ACTR3C: variants seen among roughly 807,000 people sequenced by gnomAD.
The protein encoded by ACTR3C is actin-related protein 3C.
In ACTR3C, 18 loss-of-function variants were observed where a neutral mutation model predicts 26.3. The observed-to-expected ratio is 0.68, with a 90% CI of 0.47 to 1.01. ACTR3C has a LOEUF of 1.01. Ranked by LOEUF, ACTR3C falls within the 50% of genes least tolerant of loss-of-function variation. The probability of loss-of-function intolerance (pLI) is 0.00; values close to 1 mark genes in which losing one functional copy is unlikely to be tolerated. For synonymous variants in ACTR3C, 55 were observed against 94.5 expected (o/e 0.58, Z 2.42); for missense variants, 184 against 250.7 (o/e 0.73, Z 1.80).
intron 6 of ACTR3C, among the ~76,000 whole-genome samples, chr7:150,262,521 G>A (rs1286023084): frequency 6.6e-6 from 1 of 152,198 alleles, no homozygotes; most frequent in Non-Finnish European, 1.5e-5. Context: ...CATTCTTGCT[G>A]CAAGATACCC....
At position 150,275,437 on chromosome 7, in the gene ACTR3C, G is replaced by A. The variant is rs146619022; in HGVS notation, c.564+9316C>T. Among the ~76,000 whole-genome samples the A allele has an allele frequency of 5.3e-4, 80 of 152,352 alleles. No homozygotes were observed. In the East Asian group the frequency reaches 0.014, roughly 27 times the overall value. On this transcript the variant is annotated intron_variant, in intron 6 of 7. Coordinates refer to ENST00000683684, the MANE Select transcript of ACTR3C (RefSeq NM_001164458.2). ...ATAACATAAACAGCGACAACCAGGCGCGGTGGCTCACACTTGTAATCCCAG... is the reference window on the plus strand; with the variant it reads ...ATAACATAAACAGCGACAACCAGGCACGGTGGCTCACACTTGTAATCCCAG...
chr7:150,239,534 C>CTA (rs1176995983), downstream of ACTR3C, among the ~76,000 whole-genome samples: 601 of 118,304 alleles, frequency 5.1e-3, 5 homozygotes, highest in Middle Eastern at 0.012. Flanking sequence ...CTCTCTCTCT[C>CTA]TCTCTCTATA....
the ACTR3C span, among the ~76,000 whole-genome samples, chr7:149,898,207 T>C: frequency 6.6e-6 from 1 of 152,082 alleles, no homozygotes; most frequent in Non-Finnish European, 1.5e-5. Context: ...ACTGAGGTGA[T>C]CTGTAGAAAT....
At chr7:150,309,456 A>G (rs1341127307) in intron 1 of ACTR3C, among the ~76,000 whole-genome samples, 1 of 152,234 alleles carries the variant, frequency 6.6e-6, no homozygotes, top group Non-Finnish European at 1.5e-5. Flanking sequence ...CTCGCCTTCA[A>G]GGTGTTCAAC....
At chr7:149,944,491 C>T in the ACTR3C span, among the ~76,000 whole-genome samples, 1 of 151,814 alleles carries the variant, frequency 6.6e-6, no homozygotes, top group African/African-American at 2.4e-5. Flanking sequence ...TAGGTGCTCA[C>T]AGTCTTGGGA....
chr7:150,168,126 A>G, the ACTR3C span, among the ~76,000 whole-genome samples: 1 of 150,732 alleles, frequency 6.6e-6, no homozygotes, highest in Non-Finnish European at 1.5e-5. Flanking sequence ...GCCCTAAAGC[A>G]GGGGTCCTTG....
the ACTR3C span, among the ~76,000 whole-genome samples, chr7:149,917,740 A>T: frequency 6.7e-6 from 1 of 149,524 alleles, no homozygotes; most frequent in Non-Finnish European, 1.5e-5. Context: ...GGCCTCAAGC[A>T]ATCATCTGCC....
chr7:150,086,789 C>G, the ACTR3C span, among the ~76,000 whole-genome samples: 36 of 152,180 alleles, frequency 2.4e-4, no homozygotes, highest in African/African-American at 8.7e-4. Context: ...CTCAGACTTC[C>G]TAAGGCAAAG....
the ACTR3C span, among the ~76,000 whole-genome samples, chr7:149,913,613 C>T: frequency 7.2e-5 from 11 of 151,784 alleles, no homozygotes; most frequent in African/African-American, 1.5e-4. Context: ...GGGCCGTGCG[C>T]GATTCACTAA....
the ACTR3C span, among the ~76,000 whole-genome samples, chr7:149,978,912 T>C: frequency 1.3e-5 from 2 of 151,932 alleles, no homozygotes; most frequent in African/African-American, 2.4e-5. Context: ...GTTCGGGAGA[T>C]CTGTGTTAAC....
the ACTR3C span, among the ~76,000 whole-genome samples, chr7:150,122,295 C>T: frequency 6.7e-6 from 1 of 150,288 alleles, no homozygotes; most frequent in African/African-American, 2.4e-5. Context: ...AAACAAAAAA[C>T]AACTATCATC....
At chr7:150,083,728 A>G in the ACTR3C span, among the ~76,000 whole-genome samples, 4 of 152,008 alleles carry the variant, frequency 2.6e-5, no homozygotes, top group Admixed American at 1.3e-4. Flanking sequence ...TTGCCTTGGT[A>G]TTATCTTTCC....
At chr7:150,159,555 C>T in the ACTR3C span, among the ~76,000 whole-genome samples, 1 of 152,076 alleles carries the variant, frequency 6.6e-6, no homozygotes, top group African/African-American at 2.4e-5. Flanking sequence ...TGCTCAGTCT[C>T]AGGGCATTTA....
the ACTR3C span, among the ~76,000 whole-genome samples, chr7:149,897,363 T>G: frequency 6.6e-6 from 1 of 152,230 alleles, no homozygotes; most frequent in Non-Finnish European, 1.5e-5. Context: ...CTCAAAATCA[T>G]TTACCTTTAA....
chr7:150,182,973 A>G, the ACTR3C span, among the ~76,000 whole-genome samples: 1 of 151,000 alleles, frequency 6.6e-6, no homozygotes, highest in Non-Finnish European at 1.5e-5. Context: ...AATTTATGCT[A>G]AGCATAGCAA....
intron 6 of ACTR3C, among the ~76,000 whole-genome samples, chr7:150,255,006 C>G (rs1833103921): frequency 6.6e-6 from 1 of 151,898 alleles, no homozygotes; most frequent in Non-Finnish European, 1.5e-5. Context: ...CCAAATTGTC[C>G]CCAGGATTTT....
chr7:150,116,646 T>A, the ACTR3C span, among the ~76,000 whole-genome samples: 4 of 152,230 alleles, frequency 2.6e-5, no homozygotes, highest in Non-Finnish European at 5.9e-5. Context: ...AATCCTGGGA[T>A]ACCCACAAAT....
chr7:150,222,019 G>A, the ACTR3C span, among the ~76,000 whole-genome samples: 69 of 107,248 alleles, frequency 6.4e-4, 1 homozygote, highest in African/African-American at 3.2e-3. Flanking sequence ...AAAAAAAAAA[G>A]TACATCCCCT....
chr7:150,256,287 C>A (rs1471146398), intron 6 of ACTR3C, among the ~76,000 whole-genome samples: 2 of 152,176 alleles, frequency 1.3e-5, no homozygotes, highest in Admixed American at 6.5e-5. Context: ...GGGTATACAC[C>A]CAGTAATGGG....
Sources: gnomAD v4.1 joint callset for allele counts (sites outside exome capture counted in the v4.1 genomes callset) on GRCh38, gnomAD v4.1.1 for gene constraint, MANE v1.5 for transcripts, NCBI Gene and HGNC (gene_info 2026-07-23, HGNC 2026-07-21) for gene names.